PALM: variants seen among roughly 807,000 people sequenced by gnomAD.
PALM encodes the protein paralemmin-1.
In PALM, 18 loss-of-function variants were observed where a neutral mutation model predicts 30.7. The observed-to-expected ratio is 0.59, with a 90% CI of 0.41 to 0.87. The LOEUF is 0.87. PALM is among the 40% of genes least tolerant of loss of function. The pLI is 0.00. For synonymous variants in PALM, 286 were observed against 242.8 expected (o/e 1.18, Z -1.66); for missense variants, 529 against 555.4 (o/e 0.95, Z 0.48).
At chr19:739,140 A>T (rs28705390) in intron 7 of PALM, among the ~76,000 whole-genome samples, 1,785 of 152,132 alleles carry the variant, frequency 0.012, 48 homozygotes, top group African/African-American at 0.041. Flanking sequence ...ATTTTTACAG[A>T]GTGGGGCGAG....
At chr19:717,208 G>A (rs12978268) in intron 1 of PALM, among the ~76,000 whole-genome samples, 1 of 152,168 alleles carries the variant, frequency 6.6e-6, no homozygotes, top group Non-Finnish European at 1.5e-5. Flanking sequence ...GATTACAGGT[G>A]TGAGCCACCG....
At position 709,319 on chromosome 19, in the gene PALM, C is replaced by T. The variant is rs889333384; in HGVS notation, c.5+168C>T. Among the ~76,000 whole-genome samples, 27 of 151,302 alleles carry T rather than the reference C, an allele frequency of 1.8e-4. No homozygotes were observed. Among genetic ancestry groups the T allele is most frequent in the African/African-American group, 6.3e-4 (26 of 41,346 alleles). On this transcript the variant is annotated intron_variant, in intron 1 of 8. Transcript: ENST00000338448. This position sits in a 1 kb window ranked among gnomAD's most constrained non-coding sequence, Gnocchi z 4.3. ...CAGCGCAGCCGGGAAGAGACTCGGG[C>T]TGGGCCGCGCCTGCCGGGAGGCCTC...
intron 4 of PALM, among the ~76,000 whole-genome samples, chr19:729,567 G>A (rs66565554): frequency 0.5 from 72,725 of 146,070 alleles, 18,103 homozygotes; most frequent in African/African-American, 0.6. Flanking sequence ...CCGGGTTCAC[G>A]CCATTCTCCT....
Position 726,411 on chromosome 19 carries a change from G to A in PALM, c.57+222G>A, listed in dbSNP as rs1027244069. 1.1e-4 allele frequency among the ~76,000 whole-genome samples: 16 copies of A among 152,284 alleles called. 1 individual carries two copies. The highest frequency in any genetic ancestry group is 4.2e-4 in the South Asian group (2 of 4,818). The stretch of plus-strand genomic sequence containing the variant: ...CCGGCCTCGCTCTGCCTGATGGGTC[G>A]GTGGGGAAACTGAGGCTGGCATTCC... On this transcript the variant is annotated intron_variant, in intron 2 of 8. Coordinates refer to ENST00000338448, the MANE Select transcript of PALM (RefSeq NM_002579.3).
intron 1 of PALM, among the ~76,000 whole-genome samples, chr19:712,630 G>A (rs928487350): frequency 6.6e-6 from 1 of 151,756 alleles, no homozygotes; most frequent in African/African-American, 2.4e-5. Context: ...TGATCCACCT[G>A]CCTTGGCCTC....
rs148871883 is a variant in PALM, at chr19:733,517, C to T, written c.421-656C>T. On this transcript the variant is annotated intron_variant, in intron 5 of 8. Coordinates refer to ENST00000338448, the MANE Select transcript of PALM (RefSeq NM_002579.3). ...CAGGGTCTGACCATGCAGGGCAGAA[C>T]GGGTTCAGACAGGCGACACTAGACC... Among the ~76,000 whole-genome samples, 15 of 152,264 alleles carry T rather than the reference C, an allele frequency of 9.9e-5. No individual in the cohort carries two copies. In the East Asian group the frequency reaches 2.3e-3, roughly 24 times the overall value.
Position 742,352 on chromosome 19 carries a change from C to T in PALM, c.634+1869C>T, listed in dbSNP as rs2033218392. Among the ~76,000 whole-genome samples, 1 of 152,160 alleles carries T rather than the reference C, an allele frequency of 6.6e-6. No homozygotes were observed. Among genetic ancestry groups the T allele is most frequent in the Non-Finnish European group, 1.5e-5 (1 of 68,036 alleles). On this transcript the variant is annotated intron_variant, in intron 8 of 8. Coordinates refer to ENST00000338448, the MANE Select transcript of PALM (RefSeq NM_002579.3). The surrounding 1 kb of genome is among the most constrained non-coding windows in gnomAD (Gnocchi z 5.5). ...GGGTGCGGTGGCTCACACCTGTAATCCCGGCACTTTGGGAGGCCGAGGCGG... is the reference window on the plus strand; with the variant it reads ...GGGTGCGGTGGCTCACACCTGTAATTCCGGCACTTTGGGAGGCCGAGGCGG...
At chr19:720,202 G>A (rs995728977) in intron 1 of PALM, among the ~76,000 whole-genome samples, 1 of 151,916 alleles carries the variant, frequency 6.6e-6, no homozygotes, top group African/African-American at 2.4e-5. Context: ...TGCTGCGCCG[G>A]CCCCACCCCC....
chr19:745,631 G>A (rs530400596), intron 8 of PALM, among the ~76,000 whole-genome samples: 12 of 147,212 alleles, frequency 8.2e-5, no homozygotes, highest in African/African-American at 2.5e-4. Context: ...GGAGGCGGAG[G>A]TTGCGGTGAG....
intron 1 of PALM, among the ~76,000 whole-genome samples, chr19:711,754 C>T (rs1170099846): frequency 6.6e-6 from 1 of 152,132 alleles, no homozygotes; most frequent in African/African-American, 2.4e-5. Context: ...GTTTTGAAGG[C>T]AAGGAATAGA....
chr19:740,586 C>G (rs1014090077), intron 8 of PALM, 103 bp downstream of exon 8: 1 of 1,095,076 alleles, frequency 9.1e-7, no homozygotes, highest in Non-Finnish European at 1.3e-6. Context: ...ATCAGGACCC[C>G]GATTCGATGT....
rs771290316 is a variant in PALM, at chr19:740,467, C to T, written c.618C>T (p.Tyr206=). Residue 206 remains tyrosine, a synonymous_variant, in exon 8 of 9, where the codon TAC becomes TAT. Coordinates refer to ENST00000338448, the MANE Select transcript of PALM (RefSeq NM_002579.3). ...RQPLPLGIKV[Y]EDETKVVHAV... is the part of the protein sequence containing the mutation. ...CGCTCCCTCTGGGCATCAAAGTCTACGAGGACGAGACCAAAGGTACGAGCA... is the reference window on the plus strand; with the variant it reads ...CGCTCCCTCTGGGCATCAAAGTCTATGAGGACGAGACCAAAGGTACGAGCA... The T allele has an allele frequency of 3.7e-5, 58 of 1,551,710 alleles. No individual in the cohort carries two copies. The highest frequency in any genetic ancestry group is 5.5e-5 in the African/African-American group (4 of 73,100).
In PALM at chr19:740,501, C is replaced by A. The variant is rs1295583725; in HGVS notation, c.634+18C>A. Reference sequence around the variant, plus strand: ...GACCAAAGGTACGAGCACCCCGGCCCCTGCCCTCCCTCCACCTGGGCCAGA... The same window carrying A: ...GACCAAAGGTACGAGCACCCCGGCCACTGCCCTCCCTCCACCTGGGCCAGA... On this transcript the variant is annotated intron_variant, in intron 8 of 8. Transcript: ENST00000338448. 29 of 1,544,326 alleles carry A rather than the reference C, an allele frequency of 1.9e-5. No individual in the cohort carries two copies. Among genetic ancestry groups the A allele is most frequent in the Non-Finnish European group, 2.4e-5 (27 of 1,142,588 alleles).
chr19:730,212 G>A (rs1230254712), intron 4 of PALM, among the ~76,000 whole-genome samples: 3 of 152,188 alleles, frequency 2.0e-5, no homozygotes, highest in Admixed American at 6.5e-5. Flanking sequence ...GGCGGCTGTG[G>A]GCTGGACCCC....
chr19:736,158 C>A, intron 7 of PALM, 80 bp downstream of exon 7: 1 of 500,698 alleles, frequency 2.0e-6, no homozygotes, highest in Non-Finnish European at 3.8e-6. Context: ...CCGGGTGGGG[C>A]GGGGGCGACA....
intron 1 of PALM, among the ~76,000 whole-genome samples, chr19:720,097 G>A (rs1016240978): frequency 6.6e-6 from 1 of 151,836 alleles, no homozygotes; most frequent in Non-Finnish European, 1.5e-5. Context: ...CAGCGCGGGG[G>A]AGAAATTCCC....
chr19:746,634 G>C lies in PALM; in HGVS notation c.984G>C (p.Leu328=). 6.2e-7 allele frequency: 1 copy of C among 1,612,958 alleles called. No individual in the cohort carries two copies. The highest frequency in any genetic ancestry group is 8.5e-7 in the Non-Finnish European group (1 of 1,179,866). Residue 328 remains leucine, a synonymous_variant, in exon 9 of 9, where the codon CTG becomes CTC. Transcript: ENST00000338448. The surrounding 1 kb of genome is among the most constrained non-coding windows in gnomAD (Gnocchi z 7.1). The part of the protein sequence containing the change: ...LGLQDTITAE[L]VVIEDAAEPK... ...TTCAAGATACCATCACGGCGGAGCT[G>C]GTGGTCATCGAAGACGCGGCTGAGC...
chr19:737,698 C>T (rs76213372), intron 7 of PALM, among the ~76,000 whole-genome samples: 9,627 of 152,088 alleles, frequency 0.063, 418 homozygotes, highest in Non-Finnish European at 0.081. Context: ...GCAGAGGGCA[C>T]GGCCAGTGCA....
At chr19:743,633 C>G (rs75383787) in intron 8 of PALM, among the ~76,000 whole-genome samples, 1 of 152,188 alleles carries the variant, frequency 6.6e-6, no homozygotes, top group Non-Finnish European at 1.5e-5. Flanking sequence ...CGAGAGGAGG[C>G]GAGTCCCTGG....
Sources: gnomAD v4.1 joint callset for allele counts (sites outside exome capture counted in the v4.1 genomes callset) on GRCh38, gnomAD v4.1.1 for gene constraint, Gnocchi (gnomAD v3.1) non-coding constraint, MANE v1.5 for transcripts, NCBI Gene and HGNC (gene_info 2026-07-23, HGNC 2026-07-21) for gene names.